The following EYS variants were observed in gnomAD, a reference collection of about 807,000 sequenced individuals.
The protein encoded by EYS is protein eyes shut homolog.
EYS carries 250 observed loss-of-function variants against 282.1 expected under a neutral mutation model. That is an observed-to-expected ratio of 0.89 (90% CI 0.80 to 0.98). The LOEUF (loss-of-function observed/expected upper bound fraction) is 0.98. Ranked by LOEUF, EYS falls within the 50% of genes least tolerant of loss-of-function variation. EYS has a pLI of 0.00. For missense variants in EYS, 4,016 were observed against 3,709.0 expected (o/e 1.08, Z -2.15); for synonymous variants, 1,355 against 1,282.9 (o/e 1.06, Z -1.20).
At chr6:65,607,679 AC>A (rs1276201420) in intron 2 of EYS, among the ~76,000 whole-genome samples, 2 of 151,916 alleles carry the variant, frequency 1.3e-5, no homozygotes, top group Non-Finnish European at 2.9e-5. Context: ...ATATGGCCAA[AC>A]AAAATTTGTG....
intron 13 of EYS, among the ~76,000 whole-genome samples, chr6:65,000,323 G>A (rs896434279): frequency 6.6e-6 from 1 of 152,128 alleles, no homozygotes; most frequent in Non-Finnish European, 1.5e-5. Flanking sequence ...CTACTATTTT[G>A]AGGCCAAATT....
chr6:63,796,674 C>T (rs1227767804), intron 37 of EYS, among the ~76,000 whole-genome samples: 4 of 151,888 alleles, frequency 2.6e-5, no homozygotes, highest in East Asian at 1.9e-4. Flanking sequence ...CAGCAAAGTC[C>T]CAAGTAGTAC....
In EYS at chr6:65,628,112, ACT is replaced by A. The variant is rs567397775; in HGVS notation, c.-333+11664_-333+11665del. ...AAGGTTTGTGAGTGCACCAGTGGACACTCTGTATCTAGCTGCTCTGGTGGGGC... is the reference window on the plus strand; with the variant it reads ...AAGGTTTGTGAGTGCACCAGTGGACACTGTATCTAGCTGCTCTGGTGGGGC... On this transcript the variant is annotated intron_variant, in intron 2 of 42. Transcript: ENST00000503581. Among the ~76,000 whole-genome samples the A allele has an allele frequency of 8.2e-4, 124 of 151,958 alleles. 1 individual carries two copies. The highest frequency in any genetic ancestry group is 2.7e-3 in the African/African-American group (112 of 41,450).
intron 35 of EYS, among the ~76,000 whole-genome samples, chr6:63,895,905 G>GTTTTTT (rs10705427): frequency 5.6e-4 from 70 of 124,320 alleles, no homozygotes; most frequent in African/African-American, 8.9e-4. Flanking sequence ...ATCATGATTT[G>GTTTTTT]TTTTTTTTTT....
intron 41 of EYS, among the ~76,000 whole-genome samples, chr6:63,732,221 T>TA (rs1768799829): frequency 6.6e-6 from 1 of 152,106 alleles, no homozygotes; most frequent in African/African-American, 2.4e-5. Flanking sequence ...GTCACTGAAC[T>TA]AAACCTCAAA....
intron 12 of EYS, among the ~76,000 whole-genome samples, chr6:65,189,777 C>T (rs962835593): frequency 1.3e-5 from 2 of 151,700 alleles, no homozygotes; most frequent in African/African-American, 4.8e-5. Flanking sequence ...CTCATCATTC[C>T]TGAACAATCC....
intron 31 of EYS, among the ~76,000 whole-genome samples, chr6:64,115,414 G>T (rs1562208417): frequency 1.3e-5 from 2 of 152,054 alleles, no homozygotes; most frequent in Admixed American, 6.5e-5. Context: ...CTCATAAGCT[G>T]GACCTGGCAC....
chr6:64,360,200 T>C (rs2150408184), intron 29 of EYS, among the ~76,000 whole-genome samples: 1 of 151,852 alleles, frequency 6.6e-6, no homozygotes, highest in African/African-American at 2.4e-5. Context: ...AAAATGGACA[T>C]GAGGAAACTA....
At chr6:65,491,925 A>G (rs1766060769) in intron 4 of EYS, among the ~76,000 whole-genome samples, 1 of 152,196 alleles carries the variant, frequency 6.6e-6, no homozygotes, top group Non-Finnish European at 1.5e-5. Flanking sequence ...AGATACATAC[A>G]GAGAAATGAC....
chr6:63,768,326 A>G (rs765911883), intron 40 of EYS, among the ~76,000 whole-genome samples: 1 of 151,776 alleles, frequency 6.6e-6, no homozygotes, highest in Non-Finnish European at 1.5e-5. Flanking sequence ...ACACTACACA[A>G]CAAAAAAGGT....
intron 5 of EYS, among the ~76,000 whole-genome samples, chr6:65,425,765 T>A (rs1767636363): frequency 6.6e-6 from 1 of 152,140 alleles, no homozygotes; most frequent in South Asian, 2.1e-4. Flanking sequence ...TAAAGCATTT[T>A]CATCTTTGCC....
At chr6:64,370,164 C>T (rs961323563) in intron 29 of EYS, among the ~76,000 whole-genome samples, 1 of 151,996 alleles carries the variant, frequency 6.6e-6, no homozygotes, top group African/African-American at 2.4e-5. Context: ...ATGTATTTGT[C>T]ATAGATGGCT....
chr6:64,277,156 G>A (rs553730062), intron 30 of EYS, among the ~76,000 whole-genome samples: 6 of 152,080 alleles, frequency 3.9e-5, no homozygotes, highest in East Asian at 1.9e-4. Flanking sequence ...AATCATTCAC[G>A]TATTGAACAA....
chr6:64,952,990 G>A (rs1769564839), intron 14 of EYS, among the ~76,000 whole-genome samples: 1 of 151,524 alleles, frequency 6.6e-6, no homozygotes, highest in Non-Finnish European at 1.5e-5. Flanking sequence ...AGTCATGGAG[G>A]ATATTTTATT....
intron 13 of EYS, among the ~76,000 whole-genome samples, chr6:65,047,132 A>G (rs1199539515): frequency 6.6e-6 from 1 of 151,616 alleles, no homozygotes; most frequent in Non-Finnish European, 1.5e-5. Flanking sequence ...AGTCTCAGGT[A>G]ATTCTTTATA....
chr6:64,902,532 CA>C, intron 16 of EYS, 32 bp from the exon 17 acceptor site: 1 of 1,295,944 alleles, frequency 7.7e-7, no homozygotes, highest in Non-Finnish European at 1.1e-6. Context: ...TATGGATGAG[CA>C]ATCCTTGTTA....
chr6:64,650,524 T>C (rs1768520193), intron 22 of EYS, among the ~76,000 whole-genome samples: 1 of 152,020 alleles, frequency 6.6e-6, no homozygotes, highest in South Asian at 2.1e-4. Context: ...ATAGGAGAAT[T>C]TAACTTTATA....
At chr6:64,939,279 A>G (rs1424458485) in intron 15 of EYS, among the ~76,000 whole-genome samples, 5 of 151,864 alleles carry the variant, frequency 3.3e-5, no homozygotes, top group South Asian at 2.1e-4. Context: ...TGCAACAAAT[A>G]TCTGAAATAT....
intron 30 of EYS, among the ~76,000 whole-genome samples, chr6:64,266,270 T>C (rs930502962): frequency 1.3e-5 from 2 of 152,118 alleles, no homozygotes; most frequent in African/African-American, 2.4e-5. Context: ...ATGATTAAGT[T>C]TTAGTTTGGT....
Sources: gnomAD v4.1 joint callset for allele counts (sites outside exome capture counted in the v4.1 genomes callset) on GRCh38, gnomAD v4.1.1 for gene constraint, MANE v1.5 for transcripts, NCBI Gene and HGNC (gene_info 2026-07-23, HGNC 2026-07-21) for gene names.